The following MCTP1 variants were observed in gnomAD, a reference collection of about 807,000 sequenced individuals.
MCTP1 encodes the protein multiple C2 and transmembrane domain containing 1, also known as multiple C2 and transmembrane domain-containing protein 1.
MCTP1 carries 69 observed loss-of-function variants against 120.6 expected under a neutral mutation model. That is an observed-to-expected ratio of 0.57 (90% CI 0.47 to 0.70). The LOEUF (loss-of-function observed/expected upper bound fraction) is 0.70. Ranked by LOEUF, MCTP1 falls within the 30% of genes least tolerant of loss-of-function variation. MCTP1 has a pLI of 0.00. For synonymous variants in MCTP1, 529 were observed against 493.1 expected (o/e 1.07, Z -0.96); for missense variants, 1,203 against 1,248.8 (o/e 0.96, Z 0.55).
chr5:94,791,256 C>T (rs1447407147), intron 18 of MCTP1, among the ~76,000 whole-genome samples: 1 of 151,888 alleles, frequency 6.6e-6, no homozygotes, highest in African/African-American at 2.4e-5. Flanking sequence ...CGAGATCACA[C>T]CACTGCACTC....
chr5:94,980,423 C>A (rs371879039), intron 2 of MCTP1, among the ~76,000 whole-genome samples: 1 of 151,984 alleles, frequency 6.6e-6, no homozygotes, highest in African/African-American at 2.4e-5. Flanking sequence ...ATCATATAGA[C>A]GGAATGTAGA....
chr5:94,860,608 A>G lies in MCTP1; in HGVS notation c.2436+7725T>C, dbSNP rs185647541. 1.9e-3 allele frequency among the ~76,000 whole-genome samples: 286 copies of G among 151,896 alleles called. 1 individual carries two copies. Among genetic ancestry groups the G allele is most frequent in the Non-Finnish European group, 3.2e-3 (219 of 67,800 alleles). ...GAATAATTCATATCATATGCGAACT[A>G]CAGAAAATCCAAACTAAACTTTACC... is the stretch of plus-strand genomic sequence containing the variant. On this transcript the variant is annotated intron_variant, in intron 17 of 22. Coordinates refer to ENST00000515393, the MANE Select transcript of MCTP1 (RefSeq NM_024717.7).
rs1321708003 is a variant in MCTP1, at chr5:94,704,218, G to A, written c.*3278C>T. The A allele has an allele frequency of 6.6e-6, 1 of 151,570 alleles. No individual in the cohort carries two copies. The highest frequency in any genetic ancestry group is 6.6e-5 in the Admixed American group (1 of 15,182). 9.4% of individuals were successfully genotyped at this position (151,570 alleles called of 1,614,324 possible). A position where few individuals can be genotyped will look rare whatever the true frequency, so the allele number is the denominator to read the frequency against. ...TCTGTACACTCACTCACACTAGAGTGTGAAATCACGCTATTCATTTAAAGC... is the reference window on the plus strand; with the variant it reads ...TCTGTACACTCACTCACACTAGAGTATGAAATCACGCTATTCATTTAAAGC... On this transcript the variant is annotated 3_prime_UTR_variant, in exon 23 of 23. Coordinates refer to ENST00000515393, the MANE Select transcript of MCTP1 (RefSeq NM_024717.7).
chr5:94,833,866 A>G (rs1262457631), intron 17 of MCTP1, among the ~76,000 whole-genome samples: 5 of 151,940 alleles, frequency 3.3e-5, no homozygotes, highest in African/African-American at 9.7e-5. Context: ...AGAAAGTGAG[A>G]AAAAAAATAG....
At chr5:94,842,912 A>G (rs549703007) in intron 17 of MCTP1, among the ~76,000 whole-genome samples, 22 of 152,230 alleles carry the variant, frequency 1.4e-4, no homozygotes, top group African/African-American at 5.1e-4. Flanking sequence ...TAACATAAAA[A>G]GGATTTCAGG....
intron 19 of MCTP1, among the ~76,000 whole-genome samples, chr5:94,730,378 C>T (rs1233374586): frequency 2.6e-5 from 4 of 152,092 alleles, no homozygotes; most frequent in Non-Finnish European, 4.4e-5. Context: ...AGGCTGGTCT[C>T]GAACTCAAGC....
intron 17 of MCTP1, among the ~76,000 whole-genome samples, chr5:94,809,506 G>C (rs943890862): frequency 1.3e-5 from 2 of 152,056 alleles, no homozygotes; most frequent in Admixed American, 6.6e-5. Flanking sequence ...GGAGAATGTT[G>C]ATTCTCCAAG....
At chr5:94,759,076 A>G (rs1770665204) in intron 19 of MCTP1, among the ~76,000 whole-genome samples, 1 of 152,230 alleles carries the variant, frequency 6.6e-6, no homozygotes, top group Non-Finnish European at 1.5e-5. Context: ...GAAGGCACTG[A>G]TGCAAGCACA....
In MCTP1 at chr5:94,834,896, C is replaced by T. The variant is rs968917101; in HGVS notation, c.2436+33437G>A. ...GCAATGGTGCAATCCCTGCTCAATG[C>T]AACTGCAACCTCCGCCTCCCAGGTT... is the stretch of plus-strand genomic sequence containing the variant. On this transcript the variant is annotated intron_variant, in intron 17 of 22. Coordinates refer to ENST00000515393, the MANE Select transcript of MCTP1 (RefSeq NM_024717.7). Among the ~76,000 whole-genome samples, 7 of 142,626 alleles carry T rather than the reference C, an allele frequency of 4.9e-5. No homozygotes were observed. The Admixed American group carries it at 5.3e-4, about 11-fold the overall frequency. 93.6% of individuals were successfully genotyped at this position (142,626 alleles called of 152,430 possible). A position where few individuals can be genotyped will look rare whatever the true frequency, so the allele number is the denominator to read the frequency against.
chr5:95,101,159 G>C (rs1756700619), intron 1 of MCTP1, among the ~76,000 whole-genome samples: 1 of 151,980 alleles, frequency 6.6e-6, no homozygotes, highest in African/African-American at 2.4e-5. Flanking sequence ...GGAGTTAGAG[G>C]AAAGTTCTTT....
intron 18 of MCTP1, among the ~76,000 whole-genome samples, chr5:94,780,356 GATAAC>G (rs1776309519): frequency 6.6e-6 from 1 of 151,772 alleles, no homozygotes; most frequent in Non-Finnish European, 1.5e-5. Flanking sequence ...CATAAACTGA[GATAAC>G]ATATCAGAAC....
intron 1 of MCTP1, among the ~76,000 whole-genome samples, chr5:95,043,395 C>G (rs2151920899): frequency 6.6e-6 from 1 of 152,254 alleles, no homozygotes; most frequent in East Asian, 1.9e-4. Flanking sequence ...GGGCTGTCCT[C>G]TAGCTCAGCC....
chr5:94,719,997 A>C (rs569833618), intron 19 of MCTP1, among the ~76,000 whole-genome samples: 5 of 151,894 alleles, frequency 3.3e-5, no homozygotes, highest in Non-Finnish European at 7.4e-5. Flanking sequence ...GTGGTGGTGC[A>C]TGCCTGTAAT....
chr5:94,869,467 C>A (rs544671038), intron 16 of MCTP1, among the ~76,000 whole-genome samples: 73 of 152,122 alleles, frequency 4.8e-4, no homozygotes, highest in African/African-American at 1.6e-3. Context: ...GCCCCTATCA[C>A]CTTACATTAA....
intron 19 of MCTP1, among the ~76,000 whole-genome samples, chr5:94,724,624 T>C (rs1171667595): frequency 3.9e-5 from 6 of 152,122 alleles, no homozygotes; most frequent in Admixed American, 2.0e-4. Context: ...ATTTGACCAA[T>C]GGGTTACATC....
chr5:94,719,379 T>G (rs1192297864), intron 19 of MCTP1, among the ~76,000 whole-genome samples: 2 of 152,154 alleles, frequency 1.3e-5, no homozygotes, highest in African/African-American at 2.4e-5. Context: ...TTGCAGACTA[T>G]TCACAAAAGC....
chr5:94,735,370 C>G (rs1763988081), intron 19 of MCTP1, among the ~76,000 whole-genome samples: 1 of 150,864 alleles, frequency 6.6e-6, no homozygotes, highest in African/African-American at 2.4e-5. Flanking sequence ...GTTTCAACCT[C>G]CTGGCTCAAG....
At chr5:95,072,608 T>C (rs2152253452) in intron 1 of MCTP1, among the ~76,000 whole-genome samples, 1 of 152,298 alleles carries the variant, frequency 6.6e-6, no homozygotes, top group African/African-American at 2.4e-5. Context: ...GAAGATGTTT[T>C]CATTCTCATG....
chr5:95,136,108 C>T (rs1759428407), intron 1 of MCTP1, among the ~76,000 whole-genome samples: 1 of 152,164 alleles, frequency 6.6e-6, no homozygotes, highest in South Asian at 2.1e-4. Flanking sequence ...TAAGCACTTG[C>T]TTCTCCTCAT....
Sources: allele counts gnomAD v4.1 joint callset (sites outside exome capture counted in the v4.1 genomes callset), GRCh38; gene constraint gnomAD v4.1.1; transcripts MANE v1.5; gene names NCBI Gene and HGNC (gene_info 2026-07-23, HGNC 2026-07-21).